Variants in CDH12 observed in about 807,000 individuals in gnomAD.
The protein encoded by CDH12 is cadherin 12.
A neutral mutation model predicts 74.1 loss-of-function variants in CDH12; 41 were observed. That is an observed-to-expected ratio of 0.55 (90% CI 0.43 to 0.72). The LOEUF (loss-of-function observed/expected upper bound fraction) is 0.72, where lower values mean the gene tolerates loss of function less well. CDH12 is among the 30% of genes least tolerant of loss of function. CDH12 has a pLI of 0.00. For missense variants in CDH12, 945 were observed against 977.2 expected, an observed-to-expected ratio of 0.97 and a Z score of 0.44; for synonymous variants, 399 against 355.0, an observed-to-expected ratio of 1.12 and a Z score of -1.39.
intron 1 of CDH12, among the ~76,000 whole-genome samples, chr5:22,532,117 G>T (rs1737610574): frequency 1.3e-5 from 2 of 151,534 alleles, no homozygotes; most frequent in Admixed American, 6.6e-5. Context: ...ATAGGAATAG[G>T]AGAGAAAACA....
At chr5:22,519,926 T>C (rs1367826606) in intron 1 of CDH12, among the ~76,000 whole-genome samples, 1 of 152,230 alleles carries the variant, frequency 6.6e-6, no homozygotes, top group Non-Finnish European at 1.5e-5. Context: ...GTGTATATTG[T>C]AGAGGTAGCA....
intron 1 of CDH12, among the ~76,000 whole-genome samples, chr5:22,707,126 C>A (rs1332689836): frequency 6.6e-6 from 1 of 152,150 alleles, no homozygotes; most frequent in Non-Finnish European, 1.5e-5. Flanking sequence ...ACACCCCACC[C>A]ACATTACACA....
At chr5:22,528,330 C>T (rs1737383868) in intron 1 of CDH12, among the ~76,000 whole-genome samples, 1 of 152,052 alleles carries the variant, frequency 6.6e-6, no homozygotes, top group Admixed American at 6.6e-5. Context: ...GCAAAGAAAA[C>T]TCATGAGAAT....
chr5:21,911,041 A>C (rs1463142074), intron 6 of CDH12, among the ~76,000 whole-genome samples: 1 of 152,218 alleles, frequency 6.6e-6, no homozygotes, highest in African/African-American at 2.4e-5. Context: ...CAAAGAAATT[A>C]TTTTGCAAAG....
At chr5:22,441,494 T>C (rs1744620310) in intron 2 of CDH12, among the ~76,000 whole-genome samples, 1 of 152,164 alleles carries the variant, frequency 6.6e-6, no homozygotes, top group Admixed American at 6.6e-5. Context: ...TATGTTATTC[T>C]AATCCTTTAA....
chr5:22,720,318 T>C (rs933854081), intron 1 of CDH12, among the ~76,000 whole-genome samples: 1 of 152,146 alleles, frequency 6.6e-6, no homozygotes, highest in African/African-American at 2.4e-5. Context: ...CTCTTTCCTA[T>C]CACTTTGTGA....
At chr5:21,868,040 C>T (rs1751424087) in intron 6 of CDH12, among the ~76,000 whole-genome samples, 1 of 152,100 alleles carries the variant, frequency 6.6e-6, no homozygotes, top group Admixed American at 6.6e-5. Context: ...AAGGGGAAAC[C>T]CCTTTCACTT....
At chr5:22,852,424 TA>T (rs1433262715) in intron 1 of CDH12, among the ~76,000 whole-genome samples, 3 of 152,350 alleles carry the variant, frequency 2.0e-5, no homozygotes, top group African/African-American at 7.2e-5. Context: ...AAATGATCAA[TA>T]ACCTTAAAAT....
chr5:22,303,063 T>TG (rs1211989574), intron 3 of CDH12, among the ~76,000 whole-genome samples: 1 of 152,084 alleles, frequency 6.6e-6, no homozygotes, highest in East Asian at 1.9e-4. Flanking sequence ...AAAAAAAATG[T>TG]GGGTGCAAAT....
intron 5 of CDH12, among the ~76,000 whole-genome samples, chr5:22,020,752 C>T (rs1580123584): frequency 6.6e-6 from 1 of 152,066 alleles, no homozygotes; most frequent in Non-Finnish European, 1.5e-5. Context: ...GTTATCCCCC[C>T]TCTCATGACT....
intron 1 of CDH12, among the ~76,000 whole-genome samples, chr5:22,767,630 T>C (rs1414363500): frequency 6.6e-6 from 1 of 152,000 alleles, no homozygotes; most frequent in East Asian, 1.9e-4. Flanking sequence ...GGATTTTTAA[T>C]GTAGCTATGC....
At chr5:22,116,662 C>T (rs572024503) in intron 4 of CDH12, among the ~76,000 whole-genome samples, 6 of 151,200 alleles carry the variant, frequency 4.0e-5, no homozygotes, top group South Asian at 2.1e-4. Flanking sequence ...CGGGCCAATA[C>T]GTTGGTTTTA....
rs553182957 is a variant in CDH12, at chr5:22,087,438, G to A, written c.-186-8576C>T. 5.5e-4 allele frequency among the ~76,000 whole-genome samples: 83 copies of A among 152,150 alleles called. 3 individuals are homozygous for A. In the South Asian group the frequency reaches 0.016, roughly 30 times the overall value. On this transcript the variant is annotated intron_variant, in intron 4 of 14. Coordinates refer to ENST00000382254, the MANE Select transcript of CDH12 (RefSeq NM_004061.5). Reference sequence around the variant, plus strand: ...GCAGATCACTTGAGGCCAGGAGTTCGAGACCAGCCTGGCCAACATGGTGAA... The same window carrying A: ...GCAGATCACTTGAGGCCAGGAGTTCAAGACCAGCCTGGCCAACATGGTGAA...
chr5:22,035,160 T>C (rs1739082969), intron 5 of CDH12, among the ~76,000 whole-genome samples: 1 of 151,388 alleles, frequency 6.6e-6, no homozygotes, highest in African/African-American at 2.5e-5. Context: ...AATTTGCTGA[T>C]ATTTCAGTCC....
chr5:21,938,900 A>T (rs1465912500), intron 6 of CDH12, among the ~76,000 whole-genome samples: 2 of 150,790 alleles, frequency 1.3e-5, no homozygotes, highest in Non-Finnish European at 3.0e-5. Context: ...CCCAATTGAA[A>T]ATGCATGGAC....
At chr5:22,517,746 TG>T (rs1340117185) in intron 1 of CDH12, among the ~76,000 whole-genome samples, 2 of 152,232 alleles carry the variant, frequency 1.3e-5, no homozygotes, top group Admixed American at 6.5e-5. Context: ...AATCTAGTCA[TG>T]GTTCCACAGT....
intron 4 of CDH12, chr5:22,142,748 G>T: frequency 1.4e-5 from 4 of 278,318 alleles, no homozygotes; most frequent in South Asian, 8.3e-5. Context: ...TTATCATTTT[G>T]GTTTACTCAG....
intron 1 of CDH12, among the ~76,000 whole-genome samples, chr5:22,698,711 A>C (rs1333408914): frequency 6.6e-4 from 14 of 21,176 alleles, no homozygotes; most frequent in African/African-American, 3.0e-3. Context: ...ATATATATAT[A>C]TATATATATA....
chr5:22,079,062 T>G (rs922536971), intron 4 of CDH12, among the ~76,000 whole-genome samples, 200 bp from the exon 5 acceptor site: 4 of 152,176 alleles, frequency 2.6e-5, no homozygotes, highest in Non-Finnish European at 5.9e-5. Context: ...GAGAAAATAT[T>G]AGTTACAATG....
Sources: gnomAD v4.1 joint callset for allele counts (sites outside exome capture counted in the v4.1 genomes callset) on GRCh38, gnomAD v4.1.1 for gene constraint, MANE v1.5 for transcripts, NCBI Gene and HGNC (gene_info 2026-07-23, HGNC 2026-07-21) for gene names.